The following BPTF variants were observed in gnomAD, a reference collection of about 807,000 sequenced individuals.
BPTF encodes the protein bromodomain PHD finger transcription factor, also known as nucleosome-remodeling factor subunit BPTF.
In BPTF, 18 loss-of-function variants were observed where a neutral mutation model predicts 292.5. The ratio of observed to expected loss-of-function variants is 0.06; its 90% CI spans 0.04 to 0.09. BPTF has a LOEUF of 0.09. Among genes scored for constraint, BPTF ranks in the 10% least tolerant of loss-of-function variants. The probability of loss-of-function intolerance (pLI) is 1.00; values close to 1 mark genes in which losing one functional copy is unlikely to be tolerated. For synonymous variants in BPTF, 1,225 were observed against 1,251.9 expected (o/e 0.98, Z 0.45); for missense variants, 2,726 against 3,498.7 (o/e 0.78, Z 5.57).
intron 23 of BPTF, among the ~76,000 whole-genome samples, chr17:67,952,844 T>C (rs377741615): frequency 6.6e-6 from 1 of 152,258 alleles, no homozygotes; most frequent in Admixed American, 6.5e-5. Context: ...GTGTGCCACC[T>C]TCTTGTTCCT....
chr17:67,958,101 G>C (rs1555681826), intron 23 of BPTF, among the ~76,000 whole-genome samples: 2 of 152,246 alleles, frequency 1.3e-5, no homozygotes, highest in African/African-American at 4.8e-5. Flanking sequence ...GAAGGCCGAG[G>C]CAGGTCACTT....
chr17:67,981,490 T>G lies in BPTF; in HGVS notation c.8727-762T>G, dbSNP rs1465437126. The G allele has an allele frequency of 8.3e-6, 10 of 1,211,696 alleles. No homozygotes were observed. The Middle Eastern group carries it at 6.7e-4, about 81-fold the overall frequency. 75.1% of individuals were successfully genotyped at this position (1,211,696 alleles called of 1,614,324 possible). A position where few individuals can be genotyped will look rare whatever the true frequency, so the allele number is the denominator to read the frequency against. On this transcript the variant is annotated intron_variant, in intron 27 of 27. Coordinates refer to ENST00000306378, the MANE Select transcript of BPTF (RefSeq NM_182641.4). ...CTGGAATCAGAACTGGATGTTGGGG[T>G]CACTCTTTGTTTTATTGTACCTCGT...
Position 67,870,926 on chromosome 17 carries a change from C to T in BPTF, c.1661-3891C>T, listed in dbSNP as rs368521311. 9.0e-3 allele frequency among the ~76,000 whole-genome samples: 1,356 copies of T among 151,400 alleles called. 17 individuals carry two copies. Among genetic ancestry groups the T allele is most frequent in the African/African-American group, 0.031 (1,262 of 41,278 alleles). On this transcript the variant is annotated intron_variant, in intron 3 of 27. Transcript: ENST00000306378. ...CTGGGACTACAGGCGCCCGCCACTACGCCCGGCTAATTTTTTGTATTTTTA... is the reference window on the plus strand; with the variant it reads ...CTGGGACTACAGGCGCCCGCCACTATGCCCGGCTAATTTTTTGTATTTTTA...
intron 9 of BPTF, among the ~76,000 whole-genome samples, chr17:67,907,226 C>T (rs2062272435): frequency 6.9e-6 from 1 of 144,222 alleles, no homozygotes. Context: ...GAATATTCAT[C>T]TAGACAGTAG....
intron 4 of BPTF, among the ~76,000 whole-genome samples, chr17:67,880,186 G>A (rs1052534911): frequency 1.3e-5 from 2 of 151,612 alleles, no homozygotes; most frequent in Non-Finnish European, 2.9e-5. Context: ...CCCGTTAATC[G>A]TGTTGTGAGG....
rs782638148 is a variant in BPTF at position 67,977,477 on chromosome 17, T to C, written c.8726+1519T>C. 5.7e-4 allele frequency among the ~76,000 whole-genome samples: 86 copies of C among 151,850 alleles called. 1 individual carries two copies. Among genetic ancestry groups the C allele is most frequent in the Non-Finnish European group, 8.5e-4 (58 of 67,952 alleles). On this transcript the variant is annotated intron_variant, in intron 27 of 27. Coordinates refer to ENST00000306378, the MANE Select transcript of BPTF (RefSeq NM_182641.4). ...CTGCAGTGAGCTGAGATTGCGCCAC[T>C]GCATTCCAGCCTTGGTGTCAGAGTG...
intron 17 of BPTF, among the ~76,000 whole-genome samples, chr17:67,931,200 G>C (rs1235097507): frequency 6.6e-6 from 1 of 152,046 alleles, no homozygotes; most frequent in African/African-American, 2.4e-5. Flanking sequence ...GGGAGGCGGA[G>C]GTTGTAGTGA....
chr17:67,841,881 T>A (rs1424021297), intron 1 of BPTF, among the ~76,000 whole-genome samples: 2 of 152,158 alleles, frequency 1.3e-5, no homozygotes, highest in Non-Finnish European at 2.9e-5. Context: ...GTTTCTTCTG[T>A]TTCTTTTTTC....
chr17:67,907,392 G>T (rs1333349456), intron 9 of BPTF, among the ~76,000 whole-genome samples: 3 of 143,974 alleles, frequency 2.1e-5, no homozygotes, highest in African/African-American at 5.1e-5. Flanking sequence ...GTTTTGCTCT[G>T]TCACCCAGGC....
intron 11 of BPTF, among the ~76,000 whole-genome samples, chr17:67,917,325 A>G (rs549638821): frequency 6.6e-5 from 10 of 151,500 alleles, no homozygotes; most frequent in South Asian, 2.1e-4. Flanking sequence ...GGGTTTCACT[A>G]TGTTGGCCAG....
Position 67,825,930 on chromosome 17 carries a change from G to C in BPTF, c.206G>C (p.Gly69Ala), listed in dbSNP as rs1244643578. The change falls in exon 1 of 28, where the codon GGG becomes GCG. Residue 69 changes from glycine to alanine, a missense_variant. This residue lies in a region of BPTF where 103 missense variants were observed against 72.1 expected (regional missense o/e 1.43). Coordinates refer to ENST00000306378, the MANE Select transcript of BPTF (RefSeq NM_182641.4). ...AAGACGCGGCTGAGCTCGCCCAGGG[G>C]GGGCAGCAGTAGCCGGAGGAAGCCG... ...APKTRLSSPR[G>A]GSSSRRKPPP... 3.5e-5 allele frequency: 36 copies of C among 1,015,724 alleles called. No individual in the cohort carries two copies. Among genetic ancestry groups the C allele is most frequent in the African/African-American group, 1.0e-4 (6 of 57,472 alleles). 62.9% of individuals were successfully genotyped at this position (1,015,724 alleles called of 1,614,324 possible).
At chr17:67,853,075 G>A (rs897633720) in intron 1 of BPTF, among the ~76,000 whole-genome samples, 6 of 152,182 alleles carry the variant, frequency 3.9e-5, no homozygotes, top group Non-Finnish European at 5.9e-5. Flanking sequence ...GGCGGAGGTC[G>A]CAGTGAGCCG....
intron 26 of BPTF, chr17:67,974,313 C>T (rs1469047253): frequency 6.6e-6 from 1 of 152,066 alleles, no homozygotes; most frequent in Non-Finnish European, 1.5e-5. Context: ...AACTTGTTTT[C>T]CTGTGCTCTC....
intron 2 of BPTF, among the ~76,000 whole-genome samples, chr17:67,863,688 G>T (rs2059222278): frequency 6.6e-6 from 1 of 152,148 alleles, no homozygotes; most frequent in South Asian, 2.1e-4. Context: ...TTTATCTCAA[G>T]ATCCTTAACT....
Position 67,959,538 on chromosome 17 carries a change from C to T in BPTF, c.7927-3C>T. 6.6e-7 allele frequency: 1 copy of T among 1,512,366 alleles called. No homozygotes were observed. 93.7% of individuals were successfully genotyped at this position (1,512,366 alleles called of 1,614,324 possible). On this transcript the variant is annotated splice_polypyrimidine_tract_variant and splice_region_variant and intron_variant, in intron 23 of 27. Transcript: ENST00000306378. ...GTCTTGTATTGTCTTTAATTGATAA[C>T]AGGAAGAGCTGAAGAGAGACCTGAA...
chr17:67,866,593 A>C lies in BPTF; in HGVS notation c.1566A>C (p.Glu522Asp). ...CAGAACTCTGCAAAATTCTAGAAGAAATGCGTGAAGAAATCCACCGACACA... is the reference window on the plus strand; with the variant it reads ...CAGAACTCTGCAAAATTCTAGAAGACATGCGTGAAGAAATCCACCGACACA... Reference protein sequence around the residue: ...WEAELCKILEEMREEIHRHMD... With the variant: ...WEAELCKILEDMREEIHRHMD... The change falls in exon 3 of 28, where the codon GAA (glutamate) becomes GAC (aspartate). Residue 522 changes from glutamate to aspartate, a missense_variant. Around this residue, in one of 22 missense-constraint regions of BPTF, gnomAD observed 187 missense variants for 201.5 expected, o/e 0.93. Coordinates refer to ENST00000306378, the MANE Select transcript of BPTF (RefSeq NM_182641.4). The C allele has an allele frequency of 6.2e-7, 1 of 1,614,068 alleles. No individual in the cohort carries two copies. Among genetic ancestry groups the C allele is most frequent in the East Asian group, 2.2e-5 (1 of 44,888 alleles).
At chr17:67,936,505 T>G (rs1290254457) in intron 18 of BPTF, 1 of 152,210 alleles carries the variant, frequency 6.6e-6, no homozygotes, top group Non-Finnish European at 1.5e-5. Flanking sequence ...TAATGCCCTA[T>G]GTAGCTGTAA....
chr17:67,914,238 T>G (rs1200261109), intron 11 of BPTF, among the ~76,000 whole-genome samples: 1 of 152,064 alleles, frequency 6.6e-6, no homozygotes, highest in Non-Finnish European at 1.5e-5. Flanking sequence ...TTGGTTTCCT[T>G]TATATTAATT....
At chr17:67,891,025 T>C (rs2061072426) in intron 4 of BPTF, among the ~76,000 whole-genome samples, 2 of 151,962 alleles carry the variant, frequency 1.3e-5, no homozygotes, top group African/African-American at 2.4e-5. Context: ...CTGCAGAAAA[T>C]ACAAAAAATT....
Sources: allele counts gnomAD v4.1 joint callset (sites outside exome capture counted in the v4.1 genomes callset), GRCh38; gene constraint gnomAD v4.1.1; regional missense constraint gnomAD v4.1.1; transcripts MANE v1.5; gene names NCBI Gene and HGNC (gene_info 2026-07-23, HGNC 2026-07-21).